MSH3: variants seen among roughly 807,000 people sequenced by gnomAD.
MSH3 encodes DNA mismatch repair protein Msh3.
MSH3 carries 106 observed loss-of-function variants against 123.3 expected under a neutral mutation model. The ratio of observed to expected loss-of-function variants is 0.86; its 90% confidence interval spans 0.73 to 1.01. MSH3 has a LOEUF of 1.01. Ranked by LOEUF, MSH3 falls within the 50% of genes least tolerant of loss-of-function variation. The pLI is 0.00. For missense variants in MSH3, 1,459 were observed against 1,347.6 expected (o/e 1.08, Z -1.29); for synonymous variants, 515 against 481.4 (o/e 1.07, Z -0.91).
intron 12 of MSH3, among the ~76,000 whole-genome samples, chr5:80,747,907 A>G (rs1743750888): frequency 1.3e-5 from 2 of 152,168 alleles, no homozygotes; most frequent in Non-Finnish European, 2.9e-5. Context: ...CAGAATGACA[A>G]AATTGTCTAA....
At position 80,769,651 on chromosome 5, in the gene MSH3, T is replaced by C. The variant is rs540753793; in HGVS notation, c.2253+648T>C. Among the ~76,000 whole-genome samples, 11 of 152,242 alleles carry C rather than the reference T, an allele frequency of 7.2e-5. No individual in the cohort carries two copies. In the East Asian group the frequency reaches 1.9e-3, roughly 27 times the overall value. On this transcript the variant is annotated intron_variant, in intron 15 of 23. Transcript: ENST00000265081. ...TGAGGCATGCTACTCCTATATCTTATGTTTAATAAAATATGAAGATTCAAA... is the reference window on the plus strand; with the variant it reads ...TGAGGCATGCTACTCCTATATCTTACGTTTAATAAAATATGAAGATTCAAA...
At chr5:80,723,030 G>C (rs1040135781) in intron 8 of MSH3, among the ~76,000 whole-genome samples, 15 of 151,990 alleles carry the variant, frequency 9.9e-5, no homozygotes, top group Admixed American at 6.6e-5. Context: ...GCTTCAGCCT[G>C]GGAGGTCGAT....
chr5:80,847,315 C>G (rs2112098483), intron 20 of MSH3, among the ~76,000 whole-genome samples: 1 of 151,556 alleles, frequency 6.6e-6, no homozygotes, highest in East Asian at 1.9e-4. Flanking sequence ...CTGCCTCAGC[C>G]TCCCAGAGTG....
chr5:80,794,025 G>A (rs1015578045), intron 19 of MSH3, among the ~76,000 whole-genome samples: 1 of 152,162 alleles, frequency 6.6e-6, no homozygotes, highest in Non-Finnish European at 1.5e-5. Flanking sequence ...ATGAGCTGGG[G>A]GAGGAGAGAG....
rs1196357562 is a variant in MSH3 at position 80,768,048 on chromosome 5, T to C, written c.2012T>C (p.Val671Ala). 5 of 1,613,726 alleles carry C rather than the reference T, an allele frequency of 3.1e-6. No homozygotes were observed. Among genetic ancestry groups the C allele is most frequent in the Middle Eastern group, 1.6e-4 (1 of 6,080 alleles). The change falls in exon 14 of 24, where the codon GTT (valine) becomes GCT (alanine). Residue 671 changes from valine (V) to alanine (A), a missense_variant. By Grantham distance (64) the Val-to-Ala change is moderately conservative. Coordinates refer to ENST00000265081, the MANE Select transcript of MSH3 (RefSeq NM_002439.5). ...ATTCAGTCAGACTTGCTCCGGACCG[T>C]TATTTTAGAAATTCCTGAACTCCTC... ...SHIQSDLLRT[V>A]ILEIPELLSP...
intron 8 of MSH3, among the ~76,000 whole-genome samples, chr5:80,704,038 G>A (rs764777721): frequency 4.6e-5 from 7 of 152,148 alleles, no homozygotes; most frequent in Non-Finnish European, 8.8e-5. Flanking sequence ...CTGGGAGGAA[G>A]AATCTTCCTT....
At chr5:80,832,552 G>A (rs1159720707) in intron 20 of MSH3, among the ~76,000 whole-genome samples, 1 of 151,878 alleles carries the variant, frequency 6.6e-6, no homozygotes, top group African/African-American at 2.4e-5. Flanking sequence ...CTGGGAGGCA[G>A]AGGTTGTGGT....
chr5:80,854,707 A>G (rs1745886496), intron 21 of MSH3, among the ~76,000 whole-genome samples: 1 of 152,176 alleles, frequency 6.6e-6, no homozygotes, highest in South Asian at 2.1e-4. Flanking sequence ...TTAGAATGCT[A>G]CACACTGAAT....
chr5:80,794,637 A>G (rs1049727610), intron 19 of MSH3, among the ~76,000 whole-genome samples: 8 of 152,224 alleles, frequency 5.3e-5, no homozygotes, highest in Admixed American at 3.9e-4. Flanking sequence ...ATGTATGGCT[A>G]TGGAAGGTGG....
chr5:80,755,486 C>T, intron 12 of MSH3, among the ~76,000 whole-genome samples: 1 of 152,078 alleles, frequency 6.6e-6, no homozygotes, highest in Middle Eastern at 3.2e-3. Flanking sequence ...GAGGATTTTC[C>T]AAATATCGGT....
intron 8 of MSH3, among the ~76,000 whole-genome samples, chr5:80,691,143 C>T (rs1368854015): frequency 1.3e-5 from 2 of 151,872 alleles, no homozygotes; most frequent in South Asian, 2.1e-4. Flanking sequence ...ATTTAGACTA[C>T]GTATTTAAAA....
At chr5:80,669,634 T>C (rs1175391515) in intron 3 of MSH3, among the ~76,000 whole-genome samples, 1 of 152,212 alleles carries the variant, frequency 6.6e-6, no homozygotes, top group East Asian at 1.9e-4. Context: ...TCTTTTACAG[T>C]GTGCTTGGAA....
intron 10 of MSH3, among the ~76,000 whole-genome samples, chr5:80,734,376 G>T (rs900058356): frequency 6.6e-6 from 1 of 152,116 alleles, no homozygotes; most frequent in African/African-American, 2.4e-5. Context: ...TTACATGGTG[G>T]TGATGGTTGG....
At chr5:80,669,870 A>G (rs1054080271) in intron 3 of MSH3, among the ~76,000 whole-genome samples, 8 of 152,256 alleles carry the variant, frequency 5.3e-5, no homozygotes, top group African/African-American at 1.9e-4. Flanking sequence ...CAAAATTTGC[A>G]TAAAAATTCT....
intron 10 of MSH3, among the ~76,000 whole-genome samples, chr5:80,734,356 G>C (rs1369813306): frequency 1.3e-5 from 2 of 152,282 alleles, no homozygotes; most frequent in Admixed American, 1.3e-4. Flanking sequence ...TGGAGTGATA[G>C]TATCTAGAAT....
chr5:80,693,957 G>A (rs1296427201), intron 8 of MSH3, among the ~76,000 whole-genome samples: 1 of 152,158 alleles, frequency 6.6e-6, no homozygotes, highest in East Asian at 1.9e-4. Flanking sequence ...ACCATGCCTG[G>A]CCAAAACTCG....
At chr5:80,752,206 A>C (rs1441931884) in intron 12 of MSH3, among the ~76,000 whole-genome samples, 1 of 152,124 alleles carries the variant, frequency 6.6e-6, no homozygotes, top group East Asian at 1.9e-4. Flanking sequence ...CTGAGATTCG[A>C]AGAAAGAAAA....
intron 8 of MSH3, among the ~76,000 whole-genome samples, chr5:80,689,176 G>C (rs1002547754): frequency 1.9e-4 from 29 of 152,278 alleles, no homozygotes; most frequent in African/African-American, 6.7e-4. Context: ...ATGTAGTGCA[G>C]AAGAGCTGTT....
chr5:80,837,561 G>C (rs1745539229), intron 20 of MSH3, among the ~76,000 whole-genome samples: 1 of 147,602 alleles, frequency 6.8e-6, no homozygotes, highest in Non-Finnish European at 1.5e-5. Context: ...CTGCGTAACA[G>C]AGCCAGACCT....
Sources: gnomAD v4.1 joint callset for allele counts (sites outside exome capture counted in the v4.1 genomes callset) on GRCh38, gnomAD v4.1.1 for gene constraint, MANE v1.5 for transcripts, NCBI Gene and HGNC (gene_info 2026-07-23, HGNC 2026-07-21) for gene names.